The following LENG8 variants were observed in gnomAD, a reference collection of about 807,000 sequenced individuals.
The protein encoded by LENG8 is leukocyte receptor cluster (LRC) member 8.
LENG8 carries 28 observed loss-of-function variants against 102.1 expected under a neutral mutation model. That is an observed-to-expected ratio of 0.27 (90% CI 0.20 to 0.38). The LOEUF (loss-of-function observed/expected upper bound fraction) is 0.38. Ranked by LOEUF, LENG8 falls within the 10% of genes least tolerant of loss-of-function variation. LENG8 has a pLI of 1.00. For missense variants in LENG8, 1,022 were observed against 1,113.9 expected, an observed-to-expected ratio of 0.92 and a Z score of 1.17; for synonymous variants, 531 against 456.7, an observed-to-expected ratio of 1.16 and a Z score of -2.07.
At position 54,461,557 on chromosome 19, in the gene LENG8, C is replaced by T. The variant is rs574398515; in HGVS notation, c.*629C>T. On this transcript the variant is annotated 3_prime_UTR_variant, in exon 16 of 16. Transcript: ENST00000326764. ...TGAGGACACGCCGGCCGGGCCGCCT[C>T]GTCTCAAGTTGTATAAAGTTGTCTC... The T allele has an allele frequency of 8.0e-4, 378 of 472,102 alleles. 1 individual carries two copies. Among genetic ancestry groups the T allele is most frequent in the Non-Finnish European group, 1.5e-3 (339 of 227,576 alleles). The allele number at this position is 472,102 out of a possible 1,614,324, so 29.2% of individuals were successfully genotyped here.
chr19:54,460,704 G>A (rs949588753), intron 15 of LENG8, 62 bp from the exon 16 acceptor site: 195 of 1,446,568 alleles, frequency 1.3e-4, no homozygotes, highest in Middle Eastern at 2.5e-4. Context: ...CTCCCCGCTC[G>A]TGGGGCCCTC....
At chr19:54,451,671 A>G (rs905225333) in intron 2 of LENG8, among the ~76,000 whole-genome samples, 3 of 152,216 alleles carry the variant, frequency 2.0e-5, no homozygotes, top group Non-Finnish European at 4.4e-5. Flanking sequence ...CCCAACACTC[A>G]ATACACAGTC....
intron 15 of LENG8, chr19:54,459,226 T>A: frequency 9.3e-7 from 1 of 1,078,514 alleles, no homozygotes; most frequent in African/African-American, 1.6e-5. Flanking sequence ...TGGCATCTAG[T>A]GAGTGGAGGC....
In LENG8 at chr19:54,460,890, G is replaced by A. The variant is rs1047424258; in HGVS notation, c.2365G>A (p.Asp789Asn). The change falls in exon 16 of 16, where the codon GAC becomes AAC. Residue 789 changes from aspartate to asparagine, a missense_variant. Physicochemically the swap from Asp to Asn is conservative, Grantham distance 23 (BLOSUM62 1). Around this residue, in one of 7 missense-constraint regions of LENG8, gnomAD observed 129 missense variants for 123.0 expected, o/e 1.05. Coordinates refer to ENST00000326764, the MANE Select transcript of LENG8 (RefSeq NM_052925.4). Reference sequence around the variant, plus strand: ...CACGGGCCCGGACAACTCCAGCATCGACTGCCGCCTCAGCCTGGCGCAGCT... The same window carrying A: ...CACGGGCCCGGACAACTCCAGCATCAACTGCCGCCTCAGCCTGGCGCAGCT... ...AYTGPDNSSI[D>N]CRLSLAQLSA... 7 of 1,555,444 alleles carry A rather than the reference G, an allele frequency of 4.5e-6. No homozygotes were observed. The highest frequency in any genetic ancestry group is 2.4e-5 in the South Asian group (2 of 84,556).
rs1192814736 is a variant in LENG8, at chr19:54,461,642, C to T, written c.*714C>T. On this transcript the variant is annotated 3_prime_UTR_variant, in exon 16 of 16. Transcript: ENST00000326764. ...TCTGATTTTTTTTTCCCCTTTCCCT[C>T]CCTCCCTCTCCGCATTCTTCCCTTG... The T allele has an allele frequency of 2.1e-6, 1 of 475,698 alleles. No homozygotes were observed. The allele number at this position is 475,698 out of a possible 1,614,324, so 29.5% of individuals were successfully genotyped here. A position where few individuals can be genotyped will look rare whatever the true frequency, so the allele number is the denominator to read the frequency against.
chr19:54,455,993 G>A lies in LENG8; in HGVS notation c.1052G>A (p.Ser351Asn), dbSNP rs549068138. ...CTGACCCGGGAGCCTGTGGCTGAGA[G>A]CCCTAAGAAGAAGCGGTGGGAGGCC... is the stretch of plus-strand genomic sequence containing the variant. ...PGLTREPVAE[S>N]PKKKRWEAAS... Residue 351 changes from serine (S) to asparagine (N), a missense_variant, in exon 9 of 16, where the codon AGC (serine) becomes AAC (asparagine). By Grantham distance (46) the Ser-to-Asn change is conservative. Coordinates refer to ENST00000326764, the MANE Select transcript of LENG8 (RefSeq NM_052925.4). 1.9e-6 allele frequency: 3 copies of A among 1,612,954 alleles called. No individual in the cohort carries two copies. Among genetic ancestry groups the A allele is most frequent in the East Asian group, 2.2e-5 (1 of 44,860 alleles).
rs367614961 is a variant in LENG8, at chr19:54,456,060, A to C, written c.1119A>C (p.Thr373=). The C allele has an allele frequency of 1.9e-6, 3 of 1,610,964 alleles. No homozygotes were observed. The highest frequency in any genetic ancestry group is 2.5e-6 in the Non-Finnish European group (3 of 1,178,230). The change falls in exon 9 of 16, where the codon ACA becomes ACC. Residue 373 remains threonine (T), a synonymous_variant. Coordinates refer to ENST00000326764, the MANE Select transcript of LENG8 (RefSeq NM_052925.4). Reference sequence around the variant, plus strand: ...CTCCTAGAGGGGCAGGCTCGGCGACAAGGGGCGGGGGTGCCCCGTCCCAGC... The same window carrying C: ...CTCCTAGAGGGGCAGGCTCGGCGACCAGGGGCGGGGGTGCCCCGTCCCAGC... ...LHPPRGAGSA[T]RGGGAPSQRG... is the part of the protein sequence containing the mutation.
intron 15 of LENG8, 61 bp downstream of exon 15, chr19:54,458,582 C>T (rs1419666481): frequency 4.4e-6 from 7 of 1,606,712 alleles, no homozygotes; most frequent in South Asian, 2.2e-5. Flanking sequence ...TCGCACCGCC[C>T]CTCAGACCAG....
At position 54,458,157 on chromosome 19, in the gene LENG8, G is replaced by A. The variant is rs141114315; in HGVS notation, c.1957G>A (p.Glu653Lys). 19 of 1,614,014 alleles carry A rather than the reference G, an allele frequency of 1.2e-5. No homozygotes were observed. Among genetic ancestry groups the A allele is most frequent in the African/African-American group, 4.0e-5 (3 of 74,942 alleles). ...GACGCAGCTCAAGTCGCTGTACGCCGAGAACTTGCCTGGCAATGTGGGCGA... is the reference window on the plus strand; with the variant it reads ...GACGCAGCTCAAGTCGCTGTACGCCAAGAACTTGCCTGGCAATGTGGGCGA... The part of the protein sequence containing the change: ...CQTQLKSLYA[E>K]NLPGNVGEFT... Residue 653 changes from glutamate to lysine, a missense_variant, in exon 14 of 16, where the codon GAG (glutamate) becomes AAG (lysine). Around this residue, in one of 7 missense-constraint regions of LENG8, gnomAD observed 158 missense variants for 229.0 expected, o/e 0.69. Transcript: ENST00000326764.
rs2084362322 is a variant in LENG8, at chr19:54,458,400, G to A, written c.2119G>A (p.Ala707Thr). ...CGCCTTGGCATTAAGGACAGCCTGGGCCCTGGGCAACTACCACCGCTTTTT... is the reference window on the plus strand; with the variant it reads ...CGCCTTGGCATTAAGGACAGCCTGGACCCTGGGCAACTACCACCGCTTTTT... ...AHALALRTAW[A>T]LGNYHRFFRL... The change falls in exon 15 of 16, where the codon GCC becomes ACC. Residue 707 changes from alanine (A) to threonine (T), a missense_variant. This residue lies in a region of LENG8 where 158 missense variants were observed against 229.0 expected (regional missense o/e 0.69). Coordinates refer to ENST00000326764, the MANE Select transcript of LENG8 (RefSeq NM_052925.4). 6.2e-7 allele frequency: 1 copy of A among 1,614,238 alleles called. No homozygotes were observed. Among genetic ancestry groups the A allele is most frequent in the East Asian group, 2.2e-5 (1 of 44,874 alleles).
In LENG8 at chr19:54,451,333, C is replaced by T; in HGVS notation, c.-12C>T. ...GGCTCCCGAGGTCCACCCCTTATAC[C>T]CCAAGGTCCAGATGGCGGCCAACGT... On this transcript the variant is annotated 5_prime_UTR_variant, in exon 2 of 16. Transcript: ENST00000326764. 1 of 1,614,144 alleles carries T rather than the reference C, an allele frequency of 6.2e-7. No homozygotes were observed. The highest frequency in any genetic ancestry group is 8.5e-7 in the Non-Finnish European group (1 of 1,180,006).
chr19:54,451,507 G>T (rs918354347), intron 2 of LENG8, 125 bp downstream of exon 2: 5 of 978,320 alleles, frequency 5.1e-6, no homozygotes, highest in South Asian at 2.6e-5. Context: ...CTGTGGGTGG[G>T]GGTGGTGGTG....
At chr19:54,451,175 G>C in intron 1 of LENG8, 115 bp from the exon 2 acceptor site, 1 of 695,692 alleles carries the variant, frequency 1.4e-6, no homozygotes, top group South Asian at 1.7e-5. Context: ...TGGCTTTTCA[G>C]TCAGCCTCCC....
intron 5 of LENG8, among the ~76,000 whole-genome samples, chr19:54,453,955 C>T (rs541021414): frequency 2.0e-5 from 3 of 152,250 alleles, no homozygotes; most frequent in South Asian, 2.1e-4. Context: ...GAGGAATGGC[C>T]GGGCTAGTGC....
At position 54,460,416 on chromosome 19, in the gene LENG8, T is replaced by TGGCAGCCCC. The variant is rs1201070989; in HGVS notation, c.2241-348_2241-340dup. 5 of 1,242,618 alleles carry TGGCAGCCCC rather than the reference T, an allele frequency of 4.0e-6. No homozygotes were observed. In the African/African-American group the frequency reaches 7.7e-5, roughly 19 times the overall value. 77.0% of individuals were successfully genotyped at this position (1,242,618 alleles called of 1,614,324 possible). ...GAGGGCTGGGTCCCCACGGTGGCCC[T>TGGCAGCCCC]GGCAGCCCCGCCATCCCCATCCCCT... On this transcript the variant is annotated intron_variant, in intron 15 of 15. Transcript: ENST00000326764.
intron 1 of LENG8, chr19:54,449,889 C>T (rs2112822): frequency 0.028 from 4,363 of 153,132 alleles, 88 homozygotes; most frequent in South Asian, 0.087. Flanking sequence ...GTCCCCGCCA[C>T]GATCCCTCGT....
At chr19:54,452,955 C>G (rs2084031002) in intron 4 of LENG8, among the ~76,000 whole-genome samples, 1 of 152,194 alleles carries the variant, frequency 6.6e-6, no homozygotes. Flanking sequence ...ATACCCGGTT[C>G]TGGTCCCTTC....
intron 8 of LENG8, 147 bp from the exon 9 acceptor site, chr19:54,455,820 C>T (rs1469457738): frequency 2.4e-5 from 21 of 890,758 alleles, no homozygotes; most frequent in Admixed American, 8.4e-5. Flanking sequence ...CCTGGGTTCG[C>T]GTCTCATTTC....
chr19:54,450,072 C>T (rs1270369424), intron 1 of LENG8, among the ~76,000 whole-genome samples: 1 of 152,224 alleles, frequency 6.6e-6, no homozygotes, highest in East Asian at 1.9e-4. Flanking sequence ...CTCCTGAATC[C>T]TTGCTCCGGA....
Sources: allele counts gnomAD v4.1 joint callset (sites outside exome capture counted in the v4.1 genomes callset), GRCh38; gene constraint gnomAD v4.1.1; regional missense constraint gnomAD v4.1.1; transcripts MANE v1.5; gene names NCBI Gene and HGNC (gene_info 2026-07-23, HGNC 2026-07-21).